Variants in PCCA observed in about 807,000 individuals in gnomAD.
The protein encoded by PCCA is propionyl-CoA carboxylase alpha chain, mitochondrial.
PCCA carries 74 observed loss-of-function variants against 101.3 expected under a neutral mutation model. The observed-to-expected ratio is 0.73, with a 90% CI of 0.61 to 0.89. The LOEUF (loss-of-function observed/expected upper bound fraction) is 0.89, where lower values mean the gene tolerates loss of function less well. PCCA is among the 40% of genes least tolerant of loss of function. The probability of loss-of-function intolerance (pLI) is 0.00; values close to 1 mark genes in which losing one functional copy is unlikely to be tolerated. For missense variants in PCCA, 891 were observed against 907.0 expected, an observed-to-expected ratio of 0.98 and a Z score of 0.23; for synonymous variants, 294 against 313.6, an observed-to-expected ratio of 0.94 and a Z score of 0.66.
chr13:100,221,297 C>T (rs2059794673), intron 7 of PCCA, among the ~76,000 whole-genome samples: 1 of 152,228 alleles, frequency 6.6e-6, no homozygotes. Context: ...TGTGACTCAT[C>T]TCACCATTGT....
rs78770355 is a variant in PCCA at position 100,212,799 on chromosome 13, C to T, written c.600+3336C>T. ...GACTGTAATCACTTTGTTGTGCTGT[C>T]GAATACTAGATCTTACCCATTCTAT... On this transcript the variant is annotated intron_variant, in intron 7 of 23. Transcript: ENST00000376285. Among the ~76,000 whole-genome samples, 1,182 of 151,982 alleles carry T rather than the reference C, an allele frequency of 7.8e-3. 16 individuals carry two copies. Among genetic ancestry groups the T allele is most frequent in the African/African-American group, 0.027 (1,125 of 41,448 alleles).
At chr13:100,504,576 A>G (rs1285710599) in intron 21 of PCCA, among the ~76,000 whole-genome samples, 1 of 152,212 alleles carries the variant, frequency 6.6e-6, no homozygotes, top group East Asian at 1.9e-4. Flanking sequence ...AATGACAGCA[A>G]TTAGTGGTAA....
At chr13:100,089,334 G>C (rs1338138514) in intron 1 of PCCA, 109 bp downstream of exon 1, 1 of 1,304,232 alleles carries the variant, frequency 7.7e-7, no homozygotes, top group Non-Finnish European at 9.8e-7. Flanking sequence ...CTGCCCCCGC[G>C]CCCCGGTTCC....
chr13:100,113,585 T>C (rs2048523917), intron 4 of PCCA, among the ~76,000 whole-genome samples: 1 of 151,022 alleles, frequency 6.6e-6, no homozygotes, highest in African/African-American at 2.4e-5. Context: ...TCTTTCTTTT[T>C]TTTTTTTTTT....
intron 19 of PCCA, among the ~76,000 whole-genome samples, chr13:100,410,057 G>T (rs943964767): frequency 1.3e-5 from 2 of 152,102 alleles, no homozygotes; most frequent in Non-Finnish European, 2.9e-5. Context: ...ACCATGCCCA[G>T]CCTGTCACCC....
chr13:100,204,312 A>G (rs2058723241), intron 6 of PCCA, among the ~76,000 whole-genome samples: 1 of 151,876 alleles, frequency 6.6e-6, no homozygotes, highest in South Asian at 2.1e-4. Flanking sequence ...GCTAATTTTT[A>G]TATTTTTTGT....
At chr13:100,523,219 G>C (rs2087452903) in intron 22 of PCCA, among the ~76,000 whole-genome samples, 1 of 152,122 alleles carries the variant, frequency 6.6e-6, no homozygotes, top group South Asian at 2.1e-4. Context: ...GAAGGATATT[G>C]GGGGCTTTAA....
In PCCA at chr13:100,383,471, A is replaced by G. The variant is rs371555715; in HGVS notation, c.1746+14897A>G. Among the ~76,000 whole-genome samples, 168 of 152,070 alleles carry G rather than the reference A, an allele frequency of 1.1e-3. 6 individuals carry two copies. In the South Asian group the frequency reaches 0.031, roughly 28 times the overall value. ...AAAAATTTTATATGATTAGCCGGTC[A>G]TGGTGATACACGCCTGTAGCCTCAG... On this transcript the variant is annotated intron_variant, in intron 19 of 23. Transcript: ENST00000376285.
chr13:100,378,730 G>A (rs533843606), intron 19 of PCCA, among the ~76,000 whole-genome samples: 1 of 152,106 alleles, frequency 6.6e-6, no homozygotes, highest in East Asian at 1.9e-4. Context: ...GCTTTTGAAT[G>A]CATTTTGCAT....
Position 100,229,859 on chromosome 13 carries a change from T to C in PCCA, c.601-5983T>C, listed in dbSNP as rs2060362047. 2.0e-5 allele frequency among the ~76,000 whole-genome samples: 3 copies of C among 152,204 alleles called. No homozygotes were observed. The South Asian group carries it at 6.2e-4, about 32-fold the overall frequency. On this transcript the variant is annotated intron_variant, in intron 7 of 23. Coordinates refer to ENST00000376285, the MANE Select transcript of PCCA (RefSeq NM_000282.4). Reference sequence around the variant, plus strand: ...TAAATTTATGTTCCAGTGCTGTTTCTTTACGGCACTGGGGAACAAGCATTT... The same window carrying C: ...TAAATTTATGTTCCAGTGCTGTTTCCTTACGGCACTGGGGAACAAGCATTT...
chr13:100,252,266 A>C (rs2061803963), intron 8 of PCCA, among the ~76,000 whole-genome samples: 1 of 152,122 alleles, frequency 6.6e-6, no homozygotes, highest in African/African-American at 2.4e-5. Flanking sequence ...CCTTTCCTTG[A>C]GGAAACAAAG....
At chr13:100,097,079 A>G (rs1566455938) in intron 1 of PCCA, among the ~76,000 whole-genome samples, 1 of 152,210 alleles carries the variant, frequency 6.6e-6, no homozygotes, top group East Asian at 1.9e-4. Flanking sequence ...ACCTGAACCT[A>G]CAGTATCTGT....
Position 100,313,251 on chromosome 13 carries a change from A to G in PCCA, c.1429+3343A>G, listed in dbSNP as rs534584929. ...TACTTTACCAGGCTTCTTAAGGGGA[A>G]GACCATGTTCCTGTAACTGGATTTT... is the stretch of plus-strand genomic sequence containing the variant. On this transcript the variant is annotated intron_variant, in intron 16 of 23. Transcript: ENST00000376285. Among the ~76,000 whole-genome samples, 70 of 152,304 alleles carry G rather than the reference A, an allele frequency of 4.6e-4. No individual in the cohort carries two copies. The Middle Eastern group carries it at 0.01, about 22-fold the overall frequency.
intron 21 of PCCA, among the ~76,000 whole-genome samples, chr13:100,487,375 C>T (rs1253580014): frequency 6.6e-6 from 1 of 152,148 alleles, no homozygotes; most frequent in Non-Finnish European, 1.5e-5. Flanking sequence ...GGAAAAACTT[C>T]AAATCACTGA....
At chr13:100,442,886 A>G (rs1273868329) in intron 20 of PCCA, among the ~76,000 whole-genome samples, 1 of 152,128 alleles carries the variant, frequency 6.6e-6, no homozygotes, top group African/African-American at 2.4e-5. Context: ...AGAAGGGGCA[A>G]AGCAGAGGCT....
chr13:100,357,906 A>C (rs2074125215), intron 18 of PCCA, among the ~76,000 whole-genome samples: 1 of 152,194 alleles, frequency 6.6e-6, no homozygotes. Context: ...GGTTCTCTCA[A>C]ATTGTTGGTT....
chr13:100,127,767 G>C lies in PCCA; in HGVS notation c.300+15706G>C, dbSNP rs780752578. 2.0e-5 allele frequency among the ~76,000 whole-genome samples: 3 copies of C among 151,990 alleles called. No individual in the cohort carries two copies. In the South Asian group the frequency reaches 6.2e-4, roughly 32 times the overall value. Reference sequence around the variant, plus strand: ...GTTAGCCGGGCGTGGTGGTGGGTGCGTGTAGTCCCAGCTTCTCGGGAGGCT... The same window carrying C: ...GTTAGCCGGGCGTGGTGGTGGGTGCCTGTAGTCCCAGCTTCTCGGGAGGCT... On this transcript the variant is annotated intron_variant, in intron 4 of 23. Coordinates refer to ENST00000376285, the MANE Select transcript of PCCA (RefSeq NM_000282.4).
intron 21 of PCCA, among the ~76,000 whole-genome samples, chr13:100,504,136 TAC>T (rs1280677141): frequency 6.6e-6 from 1 of 152,200 alleles, no homozygotes; most frequent in African/African-American, 2.4e-5. Flanking sequence ...CTCCATAAAA[TAC>T]ATTGTTTTAT....
At chr13:100,184,083 G>A (rs778929339) in intron 6 of PCCA, among the ~76,000 whole-genome samples, 147 of 152,288 alleles carry the variant, frequency 9.7e-4, no homozygotes, top group Non-Finnish European at 8.4e-4. Context: ...ATCTGCTTCT[G>A]AGGAGGCCTC....
Sources: allele counts gnomAD v4.1 joint callset (sites outside exome capture counted in the v4.1 genomes callset), GRCh38; gene constraint gnomAD v4.1.1; transcripts MANE v1.5; gene names NCBI Gene and HGNC (gene_info 2026-07-23, HGNC 2026-07-21).